APLP1: variants seen among roughly 807,000 people sequenced by gnomAD.
APLP1 encodes the protein amyloid beta (A4) precursor-like protein 1.
In APLP1, 46 loss-of-function variants were observed where a neutral mutation model predicts 84.5. That is an observed-to-expected ratio of 0.54 (90% CI 0.43 to 0.70). APLP1 has a LOEUF of 0.70. Among genes scored for constraint, APLP1 ranks in the 30% least tolerant of loss-of-function variants. APLP1 has a pLI of 0.00. For missense variants in APLP1, 826 were observed against 900.2 expected (o/e 0.92, Z 1.05); for synonymous variants, 376 against 364.0 (o/e 1.03, Z -0.38).
rs1301867427 is a variant in APLP1, at chr19:35,874,618, G to A, written c.1171G>A (p.Ala391Thr). 2.5e-6 allele frequency: 4 copies of A among 1,613,822 alleles called. No homozygotes were observed. Among genetic ancestry groups the A allele is most frequent in the Non-Finnish European group, 3.4e-6 (4 of 1,180,024 alleles). ...IALINDQRRA[A>T]LEGFLAALQA... ...CCTTATCAACGACCAGCGCCGGGCTGCCTTGGAGGGCTTCCTGGCAGCCCT... is the reference window on the plus strand; with the variant it reads ...CCTTATCAACGACCAGCGCCGGGCTACCTTGGAGGGCTTCCTGGCAGCCCT... Residue 391 changes from alanine to threonine, a missense_variant, in exon 9 of 17, where the codon GCC becomes ACC. Ala to Thr is a moderately conservative substitution (Grantham distance 58). Coordinates refer to ENST00000221891, the MANE Select transcript of APLP1 (RefSeq NM_001024807.3). This position sits in a 1 kb window ranked among gnomAD's most constrained non-coding sequence, Gnocchi z 6.4.
At position 35,868,818 on chromosome 19, in the gene APLP1, G is replaced by A. The variant is rs1332010073; in HGVS notation, c.147+35G>A. Reference sequence around the variant, plus strand: ...GGCCGGGTCCTGGGGGATGGGGGAAGGGGCGGGACCGGGTCTCTGGACGCC... The same window carrying A: ...GGCCGGGTCCTGGGGGATGGGGGAAAGGGCGGGACCGGGTCTCTGGACGCC... On this transcript the variant is annotated intron_variant, in intron 1 of 16. Transcript: ENST00000221891. The surrounding 1 kb of genome is among the most constrained non-coding windows in gnomAD (Gnocchi z 5.2). 1.7e-5 allele frequency: 21 copies of A among 1,267,032 alleles called. No homozygotes were observed. In the African/African-American group the frequency reaches 2.5e-4, roughly 15 times the overall value. The allele number at this position is 1,267,032 out of a possible 1,614,324, so 78.5% of individuals were successfully genotyped here. A position where few individuals can be genotyped will look rare whatever the true frequency, so the allele number is the denominator to read the frequency against.
chr19:35,870,048 G>C (rs990275068), intron 2 of APLP1: 38 of 587,452 alleles, frequency 6.5e-5, no homozygotes, highest in Non-Finnish European at 1.1e-4. Context: ...TTTGTAAAGA[G>C]TAGAGGTGTA....
rs1974118193 is a variant in APLP1 at position 35,870,603 on chromosome 19, G to A, written c.292-293G>A. The A allele has an allele frequency of 3.1e-5, 10 of 325,666 alleles. No individual in the cohort carries two copies. In the South Asian group the frequency reaches 3.8e-4, roughly 12 times the overall value. 20.2% of individuals were successfully genotyped at this position (325,666 alleles called of 1,614,324 possible). A position where few individuals can be genotyped will look rare whatever the true frequency, so the allele number is the denominator to read the frequency against. Reference sequence around the variant, plus strand: ...GTTCGAGACCAGCCTGGCCAACACGGCGAAACTCCGTCTCTACTAAAAATA... The same window carrying A: ...GTTCGAGACCAGCCTGGCCAACACGACGAAACTCCGTCTCTACTAAAAATA... On this transcript the variant is annotated intron_variant, in intron 2 of 16. Transcript: ENST00000221891.
intron 7 of APLP1, 101 bp from the exon 8 acceptor site, chr19:35,873,538 C>T (rs761668240): frequency 2.6e-5 from 31 of 1,190,384 alleles, no homozygotes; most frequent in East Asian, 4.9e-5. Context: ...TGAGCCACTG[C>T]GCCCAGCCAT....
intron 4 of APLP1, 122 bp from the exon 5 acceptor site, chr19:35,871,490 C>G (rs909765659): frequency 5.6e-5 from 79 of 1,419,156 alleles, no homozygotes; most frequent in Non-Finnish European, 7.6e-5. Flanking sequence ...TCCCCCAACC[C>G]CTTCCTCTAG....
At chr19:35,869,180 G>A (rs1185405455) in intron 1 of APLP1, 7 of 351,628 alleles carry the variant, frequency 2.0e-5, no homozygotes, top group Non-Finnish European at 3.6e-5. Flanking sequence ...CAGGACCCAG[G>A]AGTCCAGTCC....
In APLP1 at chr19:35,873,152, G is replaced by A. The variant is rs548762718; in HGVS notation, c.982-487G>A. On this transcript the variant is annotated intron_variant, in intron 7 of 16. Coordinates refer to ENST00000221891, the MANE Select transcript of APLP1 (RefSeq NM_001024807.3). Reference sequence around the variant, plus strand: ...TGGGATTACAGGCATGAGCCACCACGCCTGGCCTCTCTTTCACTTTAAACT... The same window carrying A: ...TGGGATTACAGGCATGAGCCACCACACCTGGCCTCTCTTTCACTTTAAACT... 9.2e-5 allele frequency among the ~76,000 whole-genome samples: 14 copies of A among 151,680 alleles called. No homozygotes were observed. In the South Asian group the frequency reaches 1.7e-3, roughly 18 times the overall value.
Position 35,872,469 on chromosome 19 carries a change from C to A in APLP1, c.851-14C>A. The stretch of plus-strand genomic sequence containing the variant: ...GTGGGCTGCAGACTGACCTCCTGAT[C>A]CCTGGTCTTGCAGTCACTCCCACCC... On this transcript the variant is annotated splice_polypyrimidine_tract_variant and intron_variant, in intron 6 of 16. Coordinates refer to ENST00000221891, the MANE Select transcript of APLP1 (RefSeq NM_001024807.3). 1.2e-6 allele frequency: 2 copies of A among 1,609,408 alleles called. No homozygotes were observed. Among genetic ancestry groups the A allele is most frequent in the South Asian group, 1.1e-5 (1 of 90,560 alleles).
chr19:35,877,958 T>C, intron 12 of APLP1, 124 bp from the exon 13 acceptor site: 1 of 1,314,462 alleles, frequency 7.6e-7, no homozygotes, highest in South Asian at 1.3e-5. Context: ...CGTCTAAGGT[T>C]GCAGGGGCCT....
In APLP1 at chr19:35,879,754, T is replaced by G; in HGVS notation, c.*313T>G. The stretch of plus-strand genomic sequence containing the variant: ...TTCCCTGGAATTCACCCTCTCATGT[T>G]TCCCTACTAACATCCCAATAAAGTC... On this transcript the variant is annotated 3_prime_UTR_variant, in exon 17 of 17. Coordinates refer to ENST00000221891, the MANE Select transcript of APLP1 (RefSeq NM_001024807.3). The G allele has an allele frequency of 3.0e-6, 1 of 333,710 alleles. No individual in the cohort carries two copies. The allele number at this position is 333,710 out of a possible 1,614,324, so 20.7% of individuals were successfully genotyped here.
chr19:35,874,979 A>G lies in APLP1; in HGVS notation c.1344+110A>G, dbSNP rs1320821095. On this transcript the variant is annotated intron_variant, in intron 10 of 16. Coordinates refer to ENST00000221891, the MANE Select transcript of APLP1 (RefSeq NM_001024807.3). The surrounding 1 kb of genome is among the most constrained non-coding windows in gnomAD (Gnocchi z 6.4). The stretch of plus-strand genomic sequence containing the variant: ...CTTTCTGTCTCTTGGACCCCTTCCT[A>G]TCCCCTGAACACCGCTTCTCTGCCC... 2 of 1,436,846 alleles carry G rather than the reference A, an allele frequency of 1.4e-6. No homozygotes were observed. The highest frequency in any genetic ancestry group is 2.2e-5 in the Admixed American group (1 of 46,490). The allele number at this position is 1,436,846 out of a possible 1,614,324, so 89.0% of individuals were successfully genotyped here.
Position 35,869,734 on chromosome 19 carries a change from G to A in APLP1, c.215G>A (p.Gly72Asp). Residue 72 changes from glycine (G) to aspartate (D), a missense_variant, in exon 2 of 17, where the codon GGC becomes GAC. Physicochemically the swap from Gly to Asp is moderately conservative, Grantham distance 94. Transcript: ENST00000221891. Reference sequence around the variant, plus strand: ...ACCCTTCACCGGGACCTGCGCACCGGCCGCTGGGAACCAGACCCACAGCGC... The same window carrying A: ...ACCCTTCACCGGGACCTGCGCACCGACCGCTGGGAACCAGACCCACAGCGC... ...RLTLHRDLRT[G>D]RWEPDPQRSR... The A allele has an allele frequency of 1.2e-6, 2 of 1,610,914 alleles. No individual in the cohort carries two copies. The highest frequency in any genetic ancestry group is 1.7e-6 in the Non-Finnish European group (2 of 1,179,290).
chr19:35,871,878 G>C lies in APLP1; in HGVS notation c.692G>C (p.Trp231Ser). 6.2e-7 allele frequency: 1 copy of C among 1,614,090 alleles called. No homozygotes were observed. The highest frequency in any genetic ancestry group is 8.5e-7 in the Non-Finnish European group (1 of 1,179,986). Residue 231 changes from tryptophan (W) to serine (S), a missense_variant, in exon 6 of 17, where the codon TGG becomes TCG. This residue lies in a region of APLP1 where 383 missense variants were observed against 378.3 expected (regional missense o/e 1.01). Transcript: ENST00000221891. ...TAVGDPSTRSWPPGSRVEGAE... is the reference protein window; with the variant it reads ...TAVGDPSTRSSPPGSRVEGAE... ...CTCAGTGACCCCTCCACCCGGTCCT[G>C]GCCCCCGGGGAGCAGAGTAGAGGGG... is the stretch of plus-strand genomic sequence containing the variant.
intron 7 of APLP1, among the ~76,000 whole-genome samples, chr19:35,872,936 T>A (rs1974195097): frequency 1.3e-5 from 2 of 151,810 alleles, no homozygotes; most frequent in African/African-American, 4.8e-5. Flanking sequence ...CTCGGCCCAC[T>A]GCAACCTCTG....
Position 35,869,698 on chromosome 19 carries a change from G to A in APLP1, c.179G>A (p.Cys60Tyr). ...APGSAQVAGL[C>Y]GRLTLHRDLR... is the part of the protein sequence containing the mutation. ...GGGTCGGCCCAGGTGGCTGGACTAT[G>A]CGGGCGCCTAACCCTTCACCGGGAC... Residue 60 changes from cysteine (C) to tyrosine (Y), a missense_variant, in exon 2 of 17, where the codon TGC becomes TAC. Transcript: ENST00000221891. 6.2e-7 allele frequency: 1 copy of A among 1,611,986 alleles called. No homozygotes were observed. The highest frequency in any genetic ancestry group is 8.5e-7 in the Non-Finnish European group (1 of 1,179,420).
At chr19:35,878,157 G>A in intron 13 of APLP1, 49 bp downstream of exon 13, 1 of 1,584,082 alleles carries the variant, frequency 6.3e-7, no homozygotes, top group Non-Finnish European at 8.6e-7. Flanking sequence ...CTGAATCCCT[G>A]AACCCAGAAG....
In APLP1 at chr19:35,875,356, C is replaced by T. The variant is rs1302080990; in HGVS notation, c.1344+487C>T. Among the ~76,000 whole-genome samples, 12 of 146,050 alleles carry T rather than the reference C, an allele frequency of 8.2e-5. No homozygotes were observed. In the East Asian group the frequency reaches 1.6e-3, roughly 19 times the overall value. ...TTTTTTTTTTTTTTTGACAGAGTCT[C>T]GCTCTGTTTCCCAGGCTGGAGTGCA... On this transcript the variant is annotated intron_variant, in intron 10 of 16. Coordinates refer to ENST00000221891, the MANE Select transcript of APLP1 (RefSeq NM_001024807.3).
chr19:35,877,220 G>A (rs1254047766), intron 11 of APLP1, among the ~76,000 whole-genome samples: 1 of 152,104 alleles, frequency 6.6e-6, no homozygotes, highest in South Asian at 2.1e-4. Flanking sequence ...GAGGCGCGGT[G>A]GCTCACGCCT....
intron 11 of APLP1, 69 bp downstream of exon 11, chr19:35,876,685 C>T (rs1051014914): frequency 1.6e-6 from 2 of 1,273,050 alleles, no homozygotes; most frequent in Non-Finnish European, 2.2e-6. Context: ...AAATGTTGGG[C>T]CCCCCCAATT....
Sources: gnomAD v4.1 joint callset for allele counts (sites outside exome capture counted in the v4.1 genomes callset) on GRCh38, gnomAD v4.1.1 for gene constraint, gnomAD v4.1.1 regional missense constraint, Gnocchi (gnomAD v3.1) non-coding constraint, MANE v1.5 for transcripts, NCBI Gene and HGNC (gene_info 2026-07-23, HGNC 2026-07-21) for gene names.